ICMT: variants seen among roughly 807,000 people sequenced by gnomAD.
The protein encoded by ICMT is protein-S-isoprenylcysteine O-methyltransferase.
In ICMT, 10 loss-of-function variants were observed where a neutral mutation model predicts 32.2. The ratio of observed to expected loss-of-function variants is 0.31; its 90% CI spans 0.19 to 0.53. ICMT has a LOEUF of 0.53. Ranked by LOEUF, ICMT falls within the 20% of genes least tolerant of loss-of-function variation. The pLI is 0.96. For synonymous variants in ICMT, 183 were observed against 158.2 expected, an observed-to-expected ratio of 1.16 and a Z score of -1.18; for missense variants, 265 against 356.9, an observed-to-expected ratio of 0.74 and a Z score of 2.07.
Position 6,222,571 on chromosome 1 carries a change from C to G in ICMT, c.*2509G>C, listed in dbSNP as rs1306716477. Reference sequence around the variant, plus strand: ...CAAAGCAGAGTACGTCAAGTTTTCCCTGGTGTCAGACAGCATTTCACCATG... The same window carrying G: ...CAAAGCAGAGTACGTCAAGTTTTCCGTGGTGTCAGACAGCATTTCACCATG... On this transcript the variant is annotated 3_prime_UTR_variant, in exon 5 of 5. Transcript: ENST00000343813. 6.6e-6 allele frequency: 1 copy of G among 152,252 alleles called. No individual in the cohort carries two copies. The highest frequency in any genetic ancestry group is 1.5e-5 in the Non-Finnish European group (1 of 68,044). The allele number at this position is 152,252 out of a possible 1,614,324, so 9.4% of individuals were successfully genotyped here.
chr1:6,232,584 C>A (rs1174870845), intron 3 of ICMT, among the ~76,000 whole-genome samples: 13 of 152,238 alleles, frequency 8.5e-5, no homozygotes, highest in Non-Finnish European at 1.5e-5. Context: ...GTTTCACTCT[C>A]ATTGCCCAGG....
rs987976444 is a variant in ICMT, at chr1:6,222,759, C to T, written c.*2321G>A. On this transcript the variant is annotated 3_prime_UTR_variant, in exon 5 of 5. Transcript: ENST00000343813. Reference sequence around the variant, plus strand: ...CCAACAGCTGCCCTAGACCTATCAACAAGACAACTTCATGGCTCCCAATGG... The same window carrying T: ...CCAACAGCTGCCCTAGACCTATCAATAAGACAACTTCATGGCTCCCAATGG... 2.0e-5 allele frequency: 3 copies of T among 152,268 alleles called. No homozygotes were observed. Among genetic ancestry groups the T allele is most frequent in the Non-Finnish European group, 2.9e-5 (2 of 68,070 alleles). The allele number at this position is 152,268 out of a possible 1,614,324, so 9.4% of individuals were successfully genotyped here.
chr1:6,227,182 A>C (rs1191578910), intron 4 of ICMT, among the ~76,000 whole-genome samples: 1 of 152,258 alleles, frequency 6.6e-6, no homozygotes, highest in Non-Finnish European at 1.5e-5. Context: ...CAATGTAAAA[A>C]AAATCTATGG....
Position 6,223,681 on chromosome 1 carries a change from CCT to C in ICMT, c.*1397_*1398del, listed in dbSNP as rs1425115412. The C allele has an allele frequency of 3.3e-5, 5 of 152,240 alleles. No homozygotes were observed. Among genetic ancestry groups the C allele is most frequent in the Non-Finnish European group, 7.3e-5 (5 of 68,052 alleles). 9.4% of individuals were successfully genotyped at this position (152,240 alleles called of 1,614,324 possible). The stretch of plus-strand genomic sequence containing the variant: ...TGTTCTTCTCAGTCCTCACAACACC[CCT>C]GTGAGGTAGGTGGTATTGACCCCAT... On this transcript the variant is annotated 3_prime_UTR_variant, in exon 5 of 5. Transcript: ENST00000343813.
Position 6,234,892 on chromosome 1 carries a change from A to T in ICMT, c.278T>A (p.Phe93Tyr). The change falls in exon 2 of 5, where the codon TTT becomes TAT. Residue 93 changes from phenylalanine to tyrosine, a missense_variant. Transcript: ENST00000343813. The part of the protein sequence containing the change: ...LSFSQSSWSH[F>Y]GWYMCSLSLF... ...TTTCCGAAGGAATTCTTACCAGCCA[A>T]AGTGACTCCAAGAAGACTGGCTAAA... The T allele has an allele frequency of 6.2e-7, 1 of 1,612,628 alleles. No homozygotes were observed. The highest frequency in any genetic ancestry group is 1.1e-5 in the South Asian group (1 of 91,046).
chr1:6,231,660 G>C (rs1320455208), intron 4 of ICMT, among the ~76,000 whole-genome samples: 3 of 152,058 alleles, frequency 2.0e-5, no homozygotes, highest in African/African-American at 4.8e-5. Context: ...CCAGGTTCTG[G>C]GCACATAGTG....
rs546155599 is a variant in ICMT at position 6,229,432 on chromosome 1, C to T, written c.672+2470G>A. ...GGCAGAGGTTGCAGTGAGCTGAGATCACATGATTGCACTCCAGCCTGGGCA... is the reference window on the plus strand; with the variant it reads ...GGCAGAGGTTGCAGTGAGCTGAGATTACATGATTGCACTCCAGCCTGGGCA... On this transcript the variant is annotated intron_variant, in intron 4 of 4. Transcript: ENST00000343813. Among the ~76,000 whole-genome samples the T allele has an allele frequency of 1.5e-3, 227 of 152,026 alleles. 3 individuals are homozygous for T. Among genetic ancestry groups the T allele is most frequent in the Middle Eastern group, 0.01 (3 of 294 alleles).
At chr1:6,235,222 C>T (rs1033664787) in intron 1 of ICMT, among the ~76,000 whole-genome samples, 38 of 152,208 alleles carry the variant, frequency 2.5e-4, no homozygotes, top group African/African-American at 7.7e-4. Flanking sequence ...CAGTACCTAC[C>T]TTTTAGGACT....
At chr1:6,231,551 AAAAAAAG>A (rs1046561943) in intron 4 of ICMT, among the ~76,000 whole-genome samples, 2 of 152,056 alleles carry the variant, frequency 1.3e-5, no homozygotes, top group African/African-American at 4.8e-5. Flanking sequence ...TACCAAAAAA[AAAAAAAG>A]AAAAAAGAAA....
chr1:6,224,609 G>C lies in ICMT; in HGVS notation c.*471C>G, dbSNP rs1264796934. On this transcript the variant is annotated 3_prime_UTR_variant, in exon 5 of 5. Coordinates refer to ENST00000343813, the MANE Select transcript of ICMT (RefSeq NM_012405.4). ...TGCAGTGGGGGACAGAAATAAAGAG[G>C]TTAAAGCGGTCTGTGTTTTTCGGTT... The C allele has an allele frequency of 6.5e-6, 1 of 154,904 alleles. No homozygotes were observed. The highest frequency in any genetic ancestry group is 1.9e-4 in the East Asian group (1 of 5,248). 9.6% of individuals were successfully genotyped at this position (154,904 alleles called of 1,614,324 possible). A position where few individuals can be genotyped will look rare whatever the true frequency, so the allele number is the denominator to read the frequency against.
intron 4 of ICMT, among the ~76,000 whole-genome samples, chr1:6,230,415 T>C (rs1668714856): frequency 6.6e-6 from 1 of 151,930 alleles, no homozygotes; most frequent in African/African-American, 2.4e-5. Flanking sequence ...GAGAACCACC[T>C]CTACAAAAAA....
Position 6,233,476 on chromosome 1 carries a change from G to C in ICMT, c.452C>G (p.Pro151Arg). ...AGGGGGACATAAGGCACACGAACCT[G>C]GCCAAAAGATATTTTCAAGTGTGAA... ...LEFTLENIFW[P>R]ELKQITWLSV... is the part of the protein sequence containing the mutation. Residue 151 changes from proline to arginine, a missense_variant and splice_region_variant, in exon 3 of 5, where the codon CCA becomes CGA. By Grantham distance (103) the Pro-to-Arg change is moderately radical (BLOSUM62 -2). Transcript: ENST00000343813. The C allele has an allele frequency of 6.2e-7, 1 of 1,613,282 alleles. No homozygotes were observed. The highest frequency in any genetic ancestry group is 8.5e-7 in the Non-Finnish European group (1 of 1,179,656).
chr1:6,223,533 T>A lies in ICMT; in HGVS notation c.*1547A>T, dbSNP rs1668594220. 6.6e-6 allele frequency: 1 copy of A among 152,460 alleles called. No homozygotes were observed. Among genetic ancestry groups the A allele is most frequent in the Non-Finnish European group, 1.5e-5 (1 of 68,040 alleles). 9.4% of individuals were successfully genotyped at this position (152,460 alleles called of 1,614,324 possible). A position where few individuals can be genotyped will look rare whatever the true frequency, so the allele number is the denominator to read the frequency against. ...TTTCTGAGTTGATAAAATGCTTTTCTGAACATACATTTTAGGTATCTGGCA... is the reference window on the plus strand; with the variant it reads ...TTTCTGAGTTGATAAAATGCTTTTCAGAACATACATTTTAGGTATCTGGCA... On this transcript the variant is annotated 3_prime_UTR_variant, in exon 5 of 5. Transcript: ENST00000343813.
In ICMT at chr1:6,235,958, G is replaced by C. The variant is rs1000521636; in HGVS notation, c.-47C>G. The C allele has an allele frequency of 9.9e-6, 10 of 1,009,408 alleles. No individual in the cohort carries two copies. Among genetic ancestry groups the C allele is most frequent in the Non-Finnish European group, 1.1e-5 (9 of 824,946 alleles). The allele number at this position is 1,009,408 out of a possible 1,614,324, so 62.5% of individuals were successfully genotyped here. On this transcript the variant is annotated 5_prime_UTR_variant, in exon 1 of 5. Transcript: ENST00000343813. Reference sequence around the variant, plus strand: ...GGGCGGCGGCGCCGGCTGTAGCCCGGAGAAACGCGCCGGCTGCGCCTGCGC... The same window carrying C: ...GGGCGGCGGCGCCGGCTGTAGCCCGCAGAAACGCGCCGGCTGCGCCTGCGC...
At position 6,235,953 on chromosome 1, in the gene ICMT, G is replaced by A. The variant is rs1439148361; in HGVS notation, c.-42C>T. The A allele has an allele frequency of 1.9e-6, 2 of 1,048,760 alleles. No homozygotes were observed. Among genetic ancestry groups the A allele is most frequent in the East Asian group, 1.2e-4 (2 of 16,356 alleles). The allele number at this position is 1,048,760 out of a possible 1,614,324, so 65.0% of individuals were successfully genotyped here. On this transcript the variant is annotated 5_prime_UTR_variant, in exon 1 of 5. Coordinates refer to ENST00000343813, the MANE Select transcript of ICMT (RefSeq NM_012405.4). ...CTAGCGGGCGGCGGCGCCGGCTGTA[G>A]CCCGGAGAAACGCGCCGGCTGCGCC...
At chr1:6,230,122 C>CT (rs59487986) in intron 4 of ICMT, among the ~76,000 whole-genome samples, 5,877 of 145,430 alleles carry the variant, frequency 0.04, 386 homozygotes, top group African/African-American at 0.14. Flanking sequence ...GGAACCATCT[C>CT]TTTTTTTTTT....
In ICMT at chr1:6,231,844, T is replaced by C. The variant is rs1246608339; in HGVS notation, c.672+58A>G. ...ACTTTTATGCTACGTGAATATCACG[T>C]TTAAAATGTTACTTAAAAAAAAAAA... On this transcript the variant is annotated intron_variant, in intron 4 of 4. Coordinates refer to ENST00000343813, the MANE Select transcript of ICMT (RefSeq NM_012405.4). 1.2e-5 allele frequency: 13 copies of C among 1,117,182 alleles called. No individual in the cohort carries two copies. The African/African-American group carries it at 2.0e-4, about 17-fold the overall frequency. The allele number at this position is 1,117,182 out of a possible 1,614,324, so 69.2% of individuals were successfully genotyped here.
In ICMT at chr1:6,221,284, A is replaced by T. The variant is rs545214391; in HGVS notation, c.*3796T>A. 1 of 152,792 alleles carries T rather than the reference A, an allele frequency of 6.5e-6. No homozygotes were observed. Among genetic ancestry groups the T allele is most frequent in the South Asian group, 2.1e-4 (1 of 4,834 alleles). The allele number at this position is 152,792 out of a possible 1,614,324, so 9.5% of individuals were successfully genotyped here. The stretch of plus-strand genomic sequence containing the variant: ...TCCAATTTAGAATATTTAAATAAAC[A>T]TTTATGTAAAAAGAAGAGTAGAATA... On this transcript the variant is annotated 3_prime_UTR_variant, in exon 5 of 5. Coordinates refer to ENST00000343813, the MANE Select transcript of ICMT (RefSeq NM_012405.4).
Position 6,225,255 on chromosome 1 carries a change from A to G in ICMT, c.680T>C (p.Leu227Pro). Reference sequence around the variant, plus strand: ...GCTGACGCCGCAGATGGGGTTACACAGCATCACCTAACAGAGGGAGACACC... The same window carrying G: ...GCTGACGCCGCAGATGGGGTTACACGGCATCACCTAACAGAGGGAGACACC... ...FYWSIGTQVM[L>P]CNPICGVSYA... The change falls in exon 5 of 5, where the codon CTG becomes CCG. Residue 227 changes from leucine to proline, a missense_variant. Transcript: ENST00000343813. The G allele has an allele frequency of 6.2e-7, 1 of 1,612,754 alleles. No individual in the cohort carries two copies. Among genetic ancestry groups the G allele is most frequent in the Non-Finnish European group, 8.5e-7 (1 of 1,179,586 alleles).
Sources: allele counts gnomAD v4.1 joint callset (sites outside exome capture counted in the v4.1 genomes callset), GRCh38; gene constraint gnomAD v4.1.1; transcripts MANE v1.5; gene names NCBI Gene and HGNC (gene_info 2026-07-23, HGNC 2026-07-21).